The following FOXP1 variants were observed in gnomAD, a reference collection of about 807,000 sequenced individuals.
FOXP1 encodes forkhead box P1, also known as forkhead box protein P1.
FOXP1 carries 15 observed loss-of-function variants against 98.2 expected under a neutral mutation model. The ratio of observed to expected loss-of-function variants is 0.15; its 90% confidence interval spans 0.10 to 0.24. FOXP1 has a LOEUF of 0.24. Among genes scored for constraint, FOXP1 ranks in the 10% least tolerant of loss-of-function variants. The pLI is 1.00. For missense variants in FOXP1, 633 were observed against 848.5 expected (o/e 0.75, Z 3.15); for synonymous variants, 371 against 314.5 (o/e 1.18, Z -1.90).
intron 2 of FOXP1, among the ~76,000 whole-genome samples, chr3:71,504,466 A>T (rs2041656908): frequency 6.6e-6 from 1 of 152,180 alleles, no homozygotes; most frequent in South Asian, 2.1e-4. Flanking sequence ...AATTTTCAAA[A>T]CCAAGAAAGT....
At chr3:71,036,181 G>T (rs1228304032) in intron 11 of FOXP1, among the ~76,000 whole-genome samples, 5 of 152,154 alleles carry the variant, frequency 3.3e-5, no homozygotes, top group Non-Finnish European at 7.3e-5. Flanking sequence ...AAACCTTCAG[G>T]GGTTATTTGA....
chr3:71,169,936 G>A (rs944615074), intron 6 of FOXP1, among the ~76,000 whole-genome samples: 13 of 151,960 alleles, frequency 8.6e-5, no homozygotes, highest in Middle Eastern at 3.2e-3. Context: ...GGGATGAATC[G>A]AATGTACAAA....
intron 11 of FOXP1, among the ~76,000 whole-genome samples, chr3:71,024,667 T>G (rs921888498): frequency 5.3e-5 from 8 of 152,204 alleles, no homozygotes; most frequent in Non-Finnish European, 1.0e-4. Context: ...TCCCATGTGA[T>G]ACGATATTCA....
intron 3 of FOXP1, among the ~76,000 whole-genome samples, chr3:71,475,314 G>A (rs1262079777): frequency 6.6e-6 from 1 of 152,176 alleles, no homozygotes. Flanking sequence ...GGAAGAAGGA[G>A]CAACTATAAT....
intron 4 of FOXP1, among the ~76,000 whole-genome samples, chr3:71,319,004 G>GAA (rs2075244486): frequency 6.6e-6 from 1 of 152,088 alleles, no homozygotes; most frequent in South Asian, 2.1e-4. Flanking sequence ...AGAATTACAG[G>GAA]GTACCCCAAA....
chr3:71,206,425 AATATAT>A (rs1220357544), intron 5 of FOXP1, among the ~76,000 whole-genome samples: 1 of 152,176 alleles, frequency 6.6e-6, no homozygotes, highest in Non-Finnish European at 1.5e-5. Context: ...GGAAACACTG[AATATAT>A]ATATGGACAA....
chr3:71,246,133 C>T (rs981155600), intron 5 of FOXP1, among the ~76,000 whole-genome samples: 3 of 151,944 alleles, frequency 2.0e-5, no homozygotes, highest in Non-Finnish European at 4.4e-5. Context: ...CGAGCCAGCT[C>T]TGGCCCCGAC....
chr3:71,356,330 A>AGC, intron 4 of FOXP1, among the ~76,000 whole-genome samples: 1 of 152,272 alleles, frequency 6.6e-6, no homozygotes, highest in Non-Finnish European at 1.5e-5. Flanking sequence ...AGCTGTATAC[A>AGC]TAGCTGCACG....
intron 3 of FOXP1, among the ~76,000 whole-genome samples, chr3:71,371,502 C>A (rs1560385266): frequency 6.6e-6 from 1 of 152,188 alleles, no homozygotes; most frequent in Non-Finnish European, 1.5e-5. Flanking sequence ...GAATAAAATC[C>A]AGGCTGGGTG....
intron 6 of FOXP1, among the ~76,000 whole-genome samples, chr3:71,145,848 T>G (rs1386446817): frequency 1.3e-5 from 2 of 152,364 alleles, no homozygotes; most frequent in African/African-American, 4.8e-5. Flanking sequence ...ATGTTTGTTT[T>G]GTATTATAGA....
intron 13 of FOXP1, among the ~76,000 whole-genome samples, chr3:70,994,450 T>C (rs190910452): frequency 1.3e-5 from 2 of 152,280 alleles, no homozygotes; most frequent in East Asian, 3.9e-4. Flanking sequence ...TCCTACAATC[T>C]AGGCAACGTC....
At chr3:71,139,609 G>C (rs1206931263) in intron 6 of FOXP1, among the ~76,000 whole-genome samples, 1 of 152,072 alleles carries the variant, frequency 6.6e-6, no homozygotes, top group Non-Finnish European at 1.5e-5. Context: ...ATACTTTATG[G>C]GAAATGAACT....
intron 20 of FOXP1, among the ~76,000 whole-genome samples, chr3:70,960,310 C>G (rs1053775777): frequency 6.6e-6 from 1 of 152,158 alleles, no homozygotes; most frequent in Non-Finnish European, 1.5e-5. Flanking sequence ...ATAACGCTGT[C>G]AGCTGTAAAC....
chr3:71,278,962 C>T (rs1404843823), intron 5 of FOXP1, among the ~76,000 whole-genome samples: 14 of 151,868 alleles, frequency 9.2e-5, no homozygotes, highest in Admixed American at 4.6e-4. Flanking sequence ...GAGGCCGAGG[C>T]GGGTGGATCA....
At chr3:71,173,078 G>C (rs140422699) in intron 6 of FOXP1, among the ~76,000 whole-genome samples, 22 of 152,254 alleles carry the variant, frequency 1.4e-4, no homozygotes, top group Admixed American at 7.2e-4. Flanking sequence ...TTTTTCGCAA[G>C]AGCCCATGCA....
At chr3:71,123,351 C>A (rs550744629) in intron 6 of FOXP1, among the ~76,000 whole-genome samples, 1 of 152,198 alleles carries the variant, frequency 6.6e-6, no homozygotes, top group African/African-American at 2.4e-5. Flanking sequence ...CTCTCTCGCA[C>A]GCTGTGTTTT....
chr3:71,383,258 C>T lies in FOXP1; in HGVS notation c.-167-24014G>A, dbSNP rs139042205. Among the ~76,000 whole-genome samples, 17 of 152,272 alleles carry T rather than the reference C, an allele frequency of 1.1e-4. No homozygotes were observed. In the East Asian group the frequency reaches 2.7e-3, roughly 24 times the overall value. ...ACCACTTTACCCTTTCTTTGGCATCCTTAATTTCTAGGGGAAGGGGAAGAA... is the reference window on the plus strand; with the variant it reads ...ACCACTTTACCCTTTCTTTGGCATCTTTAATTTCTAGGGGAAGGGGAAGAA... On this transcript the variant is annotated intron_variant, in intron 3 of 20. Coordinates refer to ENST00000649528, the MANE Select transcript of FOXP1 (RefSeq NM_001349338.3).
In FOXP1 at chr3:71,377,554, C is replaced by T. The variant is rs138552485; in HGVS notation, c.-167-18310G>A. On this transcript the variant is annotated intron_variant, in intron 3 of 20. Coordinates refer to ENST00000649528, the MANE Select transcript of FOXP1 (RefSeq NM_001349338.3). ...TGAGGCTTAAAATACTAAATAACCC[C>T]CCCAAGGTCACCGAGTTCCTAAGTA... Among the ~76,000 whole-genome samples, 1,233 of 152,226 alleles carry T rather than the reference C, an allele frequency of 8.1e-3. 5 individuals carry two copies. The highest frequency in any genetic ancestry group is 0.014 in the Non-Finnish European group (923 of 68,002).
At chr3:71,577,786 C>CT (rs2047841687) in intron 2 of FOXP1, among the ~76,000 whole-genome samples, 1 of 151,028 alleles carries the variant, frequency 6.6e-6, no homozygotes, top group Non-Finnish European at 1.5e-5. Context: ...CTACCATCAA[C>CT]TTAAAAAAAA....
Sources: allele counts gnomAD v4.1 joint callset (sites outside exome capture counted in the v4.1 genomes callset), GRCh38; gene constraint gnomAD v4.1.1; transcripts MANE v1.5; gene names NCBI Gene and HGNC (gene_info 2026-07-23, HGNC 2026-07-21).